CD226: variants seen among roughly 807,000 people sequenced by gnomAD.
CD226 encodes CD226 antigen.
A neutral mutation model predicts 34.9 loss-of-function variants in CD226; 24 were observed. That is an observed-to-expected ratio of 0.69 (90% CI 0.50 to 0.97). CD226 has a LOEUF of 0.97. Ranked by LOEUF, CD226 falls within the 50% of genes least tolerant of loss-of-function variation. The pLI, the probability that CD226 is intolerant of heterozygous loss-of-function variation, is 0.00. For synonymous variants in CD226, 148 were observed against 147.4 expected, an observed-to-expected ratio of 1.00 and a Z score of -0.03; for missense variants, 397 against 412.7, an observed-to-expected ratio of 0.96 and a Z score of 0.33.
chr18:69,953,378 C>G (rs546443823), intron 1 of CD226, among the ~76,000 whole-genome samples: 1 of 152,292 alleles, frequency 6.6e-6, no homozygotes, highest in East Asian at 1.9e-4. Context: ...TGGAATATTA[C>G]TCAGCCATAA....
At chr18:69,946,705 A>T in intron 2 of CD226, 29 bp downstream of exon 2, 1 of 1,446,480 alleles carries the variant, frequency 6.9e-7, no homozygotes, top group Non-Finnish European at 9.4e-7. Context: ...ATAAAAAGGG[A>T]TTTAAAAAAA....
rs1000555224 is a variant in CD226 at position 69,864,083 on chromosome 18, T to G, written c.*231A>C. 1.3e-5 allele frequency: 6 copies of G among 450,612 alleles called. No homozygotes were observed. Among genetic ancestry groups the G allele is most frequent in the Non-Finnish European group, 2.4e-5 (6 of 251,040 alleles). The allele number at this position is 450,612 out of a possible 1,614,324, so 27.9% of individuals were successfully genotyped here. A position where few individuals can be genotyped will look rare whatever the true frequency, so the allele number is the denominator to read the frequency against. On this transcript the variant is annotated 3_prime_UTR_variant, in exon 6 of 6. Transcript: ENST00000582621. ...AAGCTTAATCTCCCCTGGATCATTC[T>G]GTTATATGATACAGTAAGTTTTCTT... is the stretch of plus-strand genomic sequence containing the variant.
rs767416191 is a variant in CD226 at position 69,895,880 on chromosome 18, T to C, written c.548A>G (p.His183Arg). 40 of 1,614,074 alleles carry C rather than the reference T, an allele frequency of 2.5e-5. No individual in the cohort carries two copies. The Admixed American group carries it at 6.0e-4, about 24-fold the overall frequency. Residue 183 changes from histidine (H) to arginine (R), a missense_variant, in exon 3 of 6, where the codon CAT (histidine) becomes CGT (arginine). By Grantham distance (29) the His-to-Arg change is conservative. Transcript: ENST00000582621. ...GAACTTGGAGGTGAAATTTCTGCCATGGACCAAGTTGCAGTAAGTTAAGAG... is the reference window on the plus strand; with the variant it reads ...GAACTTGGAGGTGAAATTTCTGCCACGGACCAAGTTGCAGTAAGTTAAGAG... ...IDLLTYCNLV[H>R]GRNFTSKFPR...
chr18:69,886,948 G>A (rs1984591759), intron 3 of CD226, among the ~76,000 whole-genome samples: 4 of 152,080 alleles, frequency 2.6e-5, no homozygotes, highest in Admixed American at 2.0e-4. Flanking sequence ...GAAAGCCTAT[G>A]CCTGGCTATA....
intron 2 of CD226, among the ~76,000 whole-genome samples, chr18:69,910,536 C>T (rs1198407030): frequency 6.6e-6 from 1 of 152,190 alleles, no homozygotes; most frequent in African/African-American, 2.4e-5. Flanking sequence ...TAGAAACTGT[C>T]ACAGATCAGA....
At chr18:69,927,811 T>G (rs1424254699) in intron 2 of CD226, among the ~76,000 whole-genome samples, 1 of 152,260 alleles carries the variant, frequency 6.6e-6, no homozygotes, top group Non-Finnish European at 1.5e-5. Flanking sequence ...CTGTAGATAT[T>G]CTGCATTTTG....
At chr18:69,949,809 T>A (rs2055833026), upstream of CD226, among the ~76,000 whole-genome samples, 2 of 151,740 alleles carry the variant, frequency 1.3e-5, no homozygotes, top group Admixed American at 6.6e-5. Context: ...CACATGCATG[T>A]GCACACATAC....
At chr18:69,946,708 T>TAAA (rs57226213) in intron 2 of CD226, 26 bp downstream of exon 2, 316 of 1,237,926 alleles carry the variant, frequency 2.6e-4, no homozygotes, top group African/African-American at 1.8e-3. Context: ...AAAAGGGATT[T>TAAA]AAAAAAAAAA....
intron 3 of CD226, among the ~76,000 whole-genome samples, chr18:69,875,786 T>C (rs951731501): frequency 1.3e-5 from 2 of 152,206 alleles, no homozygotes; most frequent in African/African-American, 4.8e-5. Flanking sequence ...TTGGAGGACA[T>C]TATGTAAGTG....
chr18:69,873,051 T>A (rs775437599), intron 4 of CD226, 93 bp downstream of exon 4: 328 of 769,188 alleles, frequency 4.3e-4, no homozygotes, highest in Non-Finnish European at 6.8e-4. Context: ...AAAATATATA[T>A]GTGAATGCTG....
chr18:69,899,784 G>A (rs549612449), intron 2 of CD226, among the ~76,000 whole-genome samples: 2 of 152,206 alleles, frequency 1.3e-5, no homozygotes, highest in African/African-American at 2.4e-5. Flanking sequence ...CATTACAGAT[G>A]CTGGTGAGGT....
At chr18:69,869,954 C>T (rs1983404829) in intron 4 of CD226, among the ~76,000 whole-genome samples, 1 of 151,462 alleles carries the variant, frequency 6.6e-6, no homozygotes, top group African/African-American at 2.4e-5. Flanking sequence ...GCGCCCGCCA[C>T]CATGCCTGGC....
upstream of CD226, among the ~76,000 whole-genome samples, chr18:69,960,113 G>A (rs1300311554): frequency 3.3e-5 from 5 of 151,962 alleles, no homozygotes; most frequent in East Asian, 3.9e-4. Flanking sequence ...GGTGGTGCAC[G>A]TCTGTAATCC....
intron 4 of CD226, among the ~76,000 whole-genome samples, chr18:69,868,600 A>G (rs894195283): frequency 1.3e-5 from 2 of 152,198 alleles, no homozygotes; most frequent in Admixed American, 1.3e-4. Context: ...TGTTTTATAT[A>G]AATTAGATCA....
At chr18:69,926,675 A>ACCAT (rs1032314677) in intron 2 of CD226, among the ~76,000 whole-genome samples, 2 of 152,216 alleles carry the variant, frequency 1.3e-5, no homozygotes, top group African/African-American at 4.8e-5. Flanking sequence ...ATTCAATGGA[A>ACCAT]CCATCATGTG....
chr18:69,928,499 C>T (rs993648292), intron 2 of CD226, among the ~76,000 whole-genome samples: 6 of 152,166 alleles, frequency 3.9e-5, no homozygotes, highest in Non-Finnish European at 7.4e-5. Flanking sequence ...AAACAACATC[C>T]GGGGGAATGC....
At chr18:69,866,491 G>A (rs1428185389) in intron 5 of CD226, among the ~76,000 whole-genome samples, 1 of 151,894 alleles carries the variant, frequency 6.6e-6, no homozygotes, top group Non-Finnish European at 1.5e-5. Context: ...AGCCCATAAG[G>A]AAATAAAAAA....
chr18:69,947,430 G>A lies in CD226; in HGVS notation c.-24C>T. On this transcript the variant is annotated 5_prime_UTR_variant, in exon 1 of 6. Transcript: ENST00000582621. Reference sequence around the variant, plus strand: ...ATCTCTGGAAACTGTTTGAAAGGCTGGTTCTATTAAAAAAAAAAATTGCTT... The same window carrying A: ...ATCTCTGGAAACTGTTTGAAAGGCTAGTTCTATTAAAAAAAAAAATTGCTT... 6.6e-7 allele frequency: 1 copy of A among 1,505,848 alleles called. No homozygotes were observed. Among genetic ancestry groups the A allele is most frequent in the Admixed American group, 2.5e-5 (1 of 39,740 alleles). The allele number at this position is 1,505,848 out of a possible 1,614,324, so 93.3% of individuals were successfully genotyped here.
upstream of CD226, among the ~76,000 whole-genome samples, chr18:69,950,367 G>A (rs1796658998): frequency 6.6e-6 from 1 of 152,154 alleles, no homozygotes; most frequent in Non-Finnish European, 1.5e-5. Flanking sequence ...ACTTTTTCAT[G>A]CCCCCAGTCT....
Sources: gnomAD v4.1 joint callset for allele counts (sites outside exome capture counted in the v4.1 genomes callset) on GRCh38, gnomAD v4.1.1 for gene constraint, MANE v1.5 for transcripts, NCBI Gene and HGNC (gene_info 2026-07-23, HGNC 2026-07-21) for gene names.